PAM: variants seen among roughly 807,000 people sequenced by gnomAD.
PAM encodes the protein peptidyl-glycine alpha-amidating monooxygenase.
Under a neutral mutation model 122.1 loss-of-function variants are expected in PAM, and 72 were observed. The observed-to-expected ratio is 0.59, with a 90% CI of 0.49 to 0.72. The LOEUF (loss-of-function observed/expected upper bound fraction) is 0.72. Among genes scored for constraint, PAM ranks in the 30% least tolerant of loss-of-function variants. PAM has a pLI of 0.00. For missense variants in PAM, 1,106 were observed against 1,183.7 expected (o/e 0.93, Z 0.96); for synonymous variants, 389 against 404.4 (o/e 0.96, Z 0.46).
At chr5:102,946,497 C>A (rs1276037955) in intron 7 of PAM, among the ~76,000 whole-genome samples, 4 of 149,960 alleles carry the variant, frequency 2.7e-5, no homozygotes, top group African/African-American at 9.9e-5. Flanking sequence ...AGTTCAGCAA[C>A]TTTTCTGGGT....
rs1357856655 is a variant in PAM at position 103,028,242 on chromosome 5, T to C, written c.2743+4T>C. On this transcript the variant is annotated splice_donor_region_variant and intron_variant, in intron 25 of 25. Coordinates refer to ENST00000438793, the MANE Select transcript of PAM (RefSeq NM_001177306.2). ...AGAGTACTGGGAAGATTTAGAGGTA[T>C]GCCTATGACCTTTTAGAACCCTTCA... 2 of 1,600,060 alleles carry C rather than the reference T, an allele frequency of 1.2e-6. No individual in the cohort carries two copies. The highest frequency in any genetic ancestry group is 2.2e-5 in the East Asian group (1 of 44,800).
chr5:103,009,265 T>C (rs916064279), intron 20 of PAM, among the ~76,000 whole-genome samples: 1 of 152,208 alleles, frequency 6.6e-6, no homozygotes, highest in Non-Finnish European at 1.5e-5. Context: ...TTTCAAATTC[T>C]AGTTGTTTAA....
intron 14 of PAM, among the ~76,000 whole-genome samples, chr5:102,968,591 G>A (rs1330915892): frequency 2.0e-5 from 3 of 152,150 alleles, no homozygotes; most frequent in South Asian, 2.1e-4. Context: ...AGCAGCAAAC[G>A]TCTCCATTTT....
At chr5:102,758,638 T>A (rs1193867707) in intron 1 of PAM, among the ~76,000 whole-genome samples, 1 of 152,170 alleles carries the variant, frequency 6.6e-6, no homozygotes, top group Admixed American at 6.5e-5. Flanking sequence ...CAATTTACTG[T>A]GTTGTGGAGA....
chr5:102,780,753 C>CTCTTTCTTTCTTTCTTTCTT (rs59409455), intron 1 of PAM, among the ~76,000 whole-genome samples: 4 of 74,628 alleles, frequency 5.4e-5, no homozygotes, highest in Middle Eastern at 5.7e-3. Context: ...TTCTTTCTTT[C>CTCTTTCTTTCTTTCTTTCTT]TCTTTCTTTC....
chr5:102,793,646 T>A (rs935944187), intron 1 of PAM, among the ~76,000 whole-genome samples: 1 of 152,224 alleles, frequency 6.6e-6, no homozygotes, highest in Non-Finnish European at 1.5e-5. Flanking sequence ...AGTACTGGTT[T>A]TTTTCAAAGC....
chr5:102,990,852 T>C (rs972437846), intron 16 of PAM, among the ~76,000 whole-genome samples: 2 of 152,208 alleles, frequency 1.3e-5, no homozygotes, highest in African/African-American at 4.8e-5. Context: ...ACCATTGTCC[T>C]GGACAGTGTG....
chr5:103,024,209 A>G (rs1423480184), intron 23 of PAM, among the ~76,000 whole-genome samples: 8 of 152,148 alleles, frequency 5.3e-5, no homozygotes, highest in Non-Finnish European at 1.2e-4. Flanking sequence ...TAGAGTTTCT[A>G]TACAAATACA....
chr5:102,794,891 T>C (rs1762954371), intron 1 of PAM, among the ~76,000 whole-genome samples: 1 of 152,082 alleles, frequency 6.6e-6, no homozygotes, highest in Admixed American at 6.6e-5. Context: ...CAAAAGAAGA[T>C]GCAGGAAAAT....
chr5:102,877,112 T>C (rs573876682), intron 3 of PAM, among the ~76,000 whole-genome samples: 15 of 152,248 alleles, frequency 9.9e-5, no homozygotes, highest in Non-Finnish European at 2.1e-4. Context: ...TTAGGCAAGA[T>C]ACTTAAACTA....
chr5:102,942,519 TCAGAA>T (rs1755602697), intron 7 of PAM, among the ~76,000 whole-genome samples: 1 of 152,036 alleles, frequency 6.6e-6, no homozygotes, highest in Non-Finnish European at 1.5e-5. Flanking sequence ...TTAAATTAGT[TCAGAA>T]CACTCTGGGA....
At chr5:102,817,813 C>T (rs1770386527) in intron 1 of PAM, among the ~76,000 whole-genome samples, 1 of 151,878 alleles carries the variant, frequency 6.6e-6, no homozygotes, top group African/African-American at 2.4e-5. Flanking sequence ...CCTCAGAAGC[C>T]ATGTCTTAGA....
intron 15 of PAM, among the ~76,000 whole-genome samples, chr5:102,975,443 G>A (rs917098634): frequency 6.6e-6 from 1 of 152,188 alleles, no homozygotes; most frequent in African/African-American, 2.4e-5. Context: ...GTTTCTGTGA[G>A]ATGTTAACTG....
chr5:102,940,511 T>TATA (rs1253777356), intron 7 of PAM, among the ~76,000 whole-genome samples: 7 of 149,496 alleles, frequency 4.7e-5, no homozygotes, highest in Non-Finnish European at 1.0e-4. Context: ...GCTATATATA[T>TATA]ATATATCAGA....
At chr5:103,025,055 G>C (rs1784563395) in intron 23 of PAM, 76 bp from the exon 24 acceptor site, 1 of 970,380 alleles carries the variant, frequency 1.0e-6, no homozygotes, top group Non-Finnish European at 1.6e-6. Context: ...TTATTGATTT[G>C]ACTGGGTAGG....
chr5:103,011,267 TTTG>T (rs1350617062), intron 21 of PAM, among the ~76,000 whole-genome samples: 4 of 152,022 alleles, frequency 2.6e-5, no homozygotes, highest in African/African-American at 9.7e-5. Context: ...AATAAAAATA[TTTG>T]TTGTTTATTT....
intron 7 of PAM, among the ~76,000 whole-genome samples, chr5:102,937,512 CCTT>C (rs1753665968): frequency 6.6e-6 from 1 of 151,992 alleles, no homozygotes; most frequent in South Asian, 2.1e-4. Flanking sequence ...ACGTTTTTTT[CCTT>C]CTTCTGAAAA....
At chr5:102,843,698 G>A (rs1449514729) in intron 1 of PAM, among the ~76,000 whole-genome samples, 4 of 152,112 alleles carry the variant, frequency 2.6e-5, no homozygotes, top group Non-Finnish European at 5.9e-5. Flanking sequence ...ATGGGCAAAG[G>A]ACATGAATAG....
chr5:102,942,593 T>C (rs1399501961), intron 7 of PAM, among the ~76,000 whole-genome samples: 1 of 151,994 alleles, frequency 6.6e-6, no homozygotes, highest in African/African-American at 2.4e-5. Context: ...TAAATTTTTT[T>C]TTTTTTTGAA....
Sources: allele counts gnomAD v4.1 joint callset (sites outside exome capture counted in the v4.1 genomes callset), GRCh38; gene constraint gnomAD v4.1.1; transcripts MANE v1.5; gene names NCBI Gene and HGNC (gene_info 2026-07-23, HGNC 2026-07-21).